EXPH5: variants seen among roughly 807,000 people sequenced by gnomAD.
The protein encoded by EXPH5 is exophilin 5, also known as exophilin-5.
A neutral mutation model predicts 41.1 loss-of-function variants in EXPH5; 42 were observed. That is an observed-to-expected ratio of 1.02 (90% CI 0.80 to 1.32). The LOEUF is 1.32. EXPH5 is among the 40% of genes most tolerant of loss of function. The probability of loss-of-function intolerance (pLI) is 0.00; values close to 1 mark genes in which losing one functional copy is unlikely to be tolerated. For synonymous variants in EXPH5, 798 were observed against 833.5 expected (o/e 0.96, Z 0.73); for missense variants, 2,298 against 2,314.5 (o/e 0.99, Z 0.15).
intron 5 of EXPH5, 24 bp from the exon 6 acceptor site, chr11:108,514,899 C>T: frequency 1.5e-6 from 2 of 1,378,568 alleles, no homozygotes; most frequent in Non-Finnish European, 1.9e-6. Flanking sequence ...GTGAATCAAC[C>T]TTTTTCTGTA....
intron 1 of EXPH5, among the ~76,000 whole-genome samples, chr11:108,559,436 G>A (rs897774734): frequency 6.6e-6 from 1 of 152,158 alleles, no homozygotes; most frequent in East Asian, 1.9e-4. Flanking sequence ...TGCAAGTCTG[G>A]TATACTAGCA....
At chr11:108,600,200 G>A in the EXPH5 span, among the ~76,000 whole-genome samples, 2 of 152,194 alleles carry the variant, frequency 1.3e-5, no homozygotes, top group African/African-American at 2.4e-5. Flanking sequence ...AATGAAAGGA[G>A]TGAGATTGAA....
chr11:108,519,950 CAAAAAAAA>C (rs71050861), intron 4 of EXPH5, among the ~76,000 whole-genome samples: 5 of 62,064 alleles, frequency 8.1e-5, no homozygotes, highest in African/African-American at 1.3e-4. Flanking sequence ...GACTCTGTCT[CAAAAAAAA>C]AAAAAAAAAA....
chr11:108,585,497 G>A (rs1480298002), intron 1 of EXPH5, among the ~76,000 whole-genome samples: 3 of 152,178 alleles, frequency 2.0e-5, no homozygotes, highest in Admixed American at 1.3e-4. Flanking sequence ...TCTATGAGGA[G>A]GGGGACTTCA....
intron 1 of EXPH5, among the ~76,000 whole-genome samples, chr11:108,573,174 A>AAGAAAGAAAGAAAGAT (rs2094067788): frequency 6.8e-6 from 1 of 146,298 alleles, no homozygotes; most frequent in Non-Finnish European, 1.5e-5. Context: ...GAAAGAAAGA[A>AAGAAAGAAAGAAAGAT]AGAAAGAAAG....
At chr11:108,569,325 T>C (rs1284347395) in intron 1 of EXPH5, among the ~76,000 whole-genome samples, 1 of 149,876 alleles carries the variant, frequency 6.7e-6, no homozygotes, top group African/African-American at 2.5e-5. Flanking sequence ...ATGTACTATT[T>C]CTATTTATTT....
At chr11:108,549,395 TA>T in intron 1 of EXPH5, among the ~76,000 whole-genome samples, 1 of 152,314 alleles carries the variant, frequency 6.6e-6, no homozygotes, top group East Asian at 1.9e-4. Flanking sequence ...ATTCCTGAGT[TA>T]AACTTATTTT....
Position 108,593,686 on chromosome 11 carries a change from G to T in EXPH5, c.-150C>A. The T allele has an allele frequency of 6.4e-7, 1 of 1,552,644 alleles. No homozygotes were observed. Among genetic ancestry groups the T allele is most frequent in the African/African-American group, 1.4e-5 (1 of 73,424 alleles). ...TGAAAGTCTAAAACCACAAACCTAG[G>T]GAACGCCCACACCTGAAGGGCTCAT... On this transcript the variant is annotated 5_prime_UTR_variant, in exon 1 of 6. Transcript: ENST00000265843.
intron 4 of EXPH5, among the ~76,000 whole-genome samples, chr11:108,519,204 C>T (rs147513797): frequency 2.4e-4 from 37 of 152,196 alleles, no homozygotes; most frequent in Middle Eastern, 3.4e-3. Flanking sequence ...GTAATATCTT[C>T]CTGGCGACCA....
At chr11:108,553,747 C>T (rs2093978732) in intron 1 of EXPH5, among the ~76,000 whole-genome samples, 1 of 152,164 alleles carries the variant, frequency 6.6e-6, no homozygotes, top group South Asian at 2.1e-4. Context: ...ATGAGTTCTA[C>T]CAACTTATTC....
Position 108,512,205 on chromosome 11 carries a change from T to C in EXPH5, c.3302A>G (p.Asn1101Ser). The C allele has an allele frequency of 6.2e-7, 1 of 1,608,306 alleles. No individual in the cohort carries two copies. The highest frequency in any genetic ancestry group is 1.3e-5 in the African/African-American group (1 of 74,574). ...EAPEATERMT[N>S]VKSSGSTSVR... ...GGAAGTAGATCCACTGCTTTTTACA[T>C]TTGTCATTCTCTCTGTGGCTTCAGG... Residue 1101 changes from asparagine to serine, a missense_variant, in exon 6 of 6, where the codon AAT becomes AGT. Physicochemically the swap from Asn to Ser is conservative, Grantham distance 46 (BLOSUM62 1). Transcript: ENST00000265843.
intron 1 of EXPH5, among the ~76,000 whole-genome samples, chr11:108,568,789 C>T (rs2094046584): frequency 6.6e-6 from 1 of 152,146 alleles, no homozygotes; most frequent in Non-Finnish European, 1.5e-5. Context: ...CAGTCAGCCA[C>T]CAAGCCCTGC....
intron 1 of EXPH5, among the ~76,000 whole-genome samples, chr11:108,545,728 A>G (rs1327413069): frequency 1.3e-5 from 2 of 151,746 alleles, no homozygotes; most frequent in Admixed American, 1.3e-4. Flanking sequence ...CATAGCGAAA[A>G]CCCACTTCTA....
At chr11:108,583,605 T>C (rs2136117657) in intron 1 of EXPH5, among the ~76,000 whole-genome samples, 1 of 151,610 alleles carries the variant, frequency 6.6e-6, no homozygotes, top group South Asian at 2.1e-4. Context: ...GTGGATCACT[T>C]GAGCCCGGGA....
chr11:108,598,074 G>A (rs569198569), upstream of EXPH5, among the ~76,000 whole-genome samples: 3 of 152,312 alleles, frequency 2.0e-5, no homozygotes, highest in African/African-American at 7.2e-5. Context: ...CAAGTAAACA[G>A]GGTGGAGAAT....
intron 1 of EXPH5, among the ~76,000 whole-genome samples, chr11:108,552,582 G>A (rs1405912685): frequency 6.6e-6 from 1 of 152,276 alleles, no homozygotes; most frequent in East Asian, 1.9e-4. Flanking sequence ...GGCTGTGATA[G>A]AGACTGCCTA....
intron 1 of EXPH5, among the ~76,000 whole-genome samples, chr11:108,543,676 A>G (rs967693260): frequency 1.2e-4 from 18 of 152,188 alleles, no homozygotes; most frequent in African/African-American, 3.9e-4. Context: ...ATGAACTGAG[A>G]TGGCTGCAAC....
intron 1 of EXPH5, among the ~76,000 whole-genome samples, chr11:108,582,589 T>G (rs919452805): frequency 3.3e-5 from 5 of 152,194 alleles, no homozygotes; most frequent in Non-Finnish European, 7.3e-5. Flanking sequence ...GAATAGTACA[T>G]GATGATCAAG....
At chr11:108,536,879 A>G (rs2093883339) in intron 3 of EXPH5, among the ~76,000 whole-genome samples, 1 of 152,130 alleles carries the variant, frequency 6.6e-6, no homozygotes, top group African/African-American at 2.4e-5. Context: ...AGATCCTCTA[A>G]ATTGCTTTAC....
Sources: allele counts gnomAD v4.1 joint callset (sites outside exome capture counted in the v4.1 genomes callset), GRCh38; gene constraint gnomAD v4.1.1; transcripts MANE v1.5; gene names NCBI Gene and HGNC (gene_info 2026-07-23, HGNC 2026-07-21).